Variants in MRTFB observed in about 807,000 individuals in gnomAD.
MRTFB encodes the protein myocardin related transcription factor B, also known as myocardin-related transcription factor B.
Under a neutral mutation model 104.2 loss-of-function variants are expected in MRTFB, and 29 were observed. That is an observed-to-expected ratio of 0.28 (90% confidence interval 0.21 to 0.38). The LOEUF (loss-of-function observed/expected upper bound fraction) is 0.38. MRTFB is among the 10% of genes least tolerant of loss of function. The pLI, the probability that MRTFB is intolerant of heterozygous loss-of-function variation, is 1.00. For synonymous variants in MRTFB, 535 were observed against 519.5 expected (o/e 1.03, Z -0.41); for missense variants, 1,270 against 1,341.6 (o/e 0.95, Z 0.83).
the MRTFB span, among the ~76,000 whole-genome samples, chr16:14,000,861 A>C: frequency 2.6e-5 from 4 of 152,272 alleles, no homozygotes; most frequent in Non-Finnish European, 5.9e-5. Flanking sequence ...AACCCAACCC[A>C]GCTCTGCCAC....
intron 2 of MRTFB, among the ~76,000 whole-genome samples, chr16:14,090,361 A>G (rs1349007917): frequency 6.6e-6 from 1 of 152,128 alleles, no homozygotes; most frequent in African/African-American, 2.4e-5. Flanking sequence ...CTTACACCCA[A>G]TGTGCTTTTT....
At chr16:14,018,487 G>A in the MRTFB span, among the ~76,000 whole-genome samples, 2 of 152,218 alleles carry the variant, frequency 1.3e-5, no homozygotes, top group Admixed American at 6.5e-5. Context: ...TCTGTATCTG[G>A]CTCACAGATA....
At chr16:14,067,324 G>A (rs962453374), upstream of MRTFB, among the ~76,000 whole-genome samples, 1 of 150,924 alleles carries the variant, frequency 6.6e-6, no homozygotes, top group Non-Finnish European at 1.5e-5. Flanking sequence ...CTGGGTTCAA[G>A]TGATTCTTAT....
chr16:14,113,990 T>C (rs890504622), intron 2 of MRTFB, among the ~76,000 whole-genome samples: 10 of 152,340 alleles, frequency 6.6e-5, no homozygotes, highest in Non-Finnish European at 1.0e-4. Context: ...AACTCTGACA[T>C]GGGATACCAA....
intron 8 of MRTFB, among the ~76,000 whole-genome samples, chr16:14,222,236 T>TC (rs773439515): frequency 2.6e-5 from 4 of 152,170 alleles, no homozygotes; most frequent in Non-Finnish European, 4.4e-5. Context: ...TCACTTTCCT[T>TC]CTTGTTTGCC....
At chr16:14,061,238 G>A in the MRTFB span, among the ~76,000 whole-genome samples, 3 of 152,120 alleles carry the variant, frequency 2.0e-5, no homozygotes, top group African/African-American at 4.8e-5. Context: ...CAGAGCCAGC[G>A]CCATCCTGGG....
At chr16:14,195,591 A>G (rs2151081255) in intron 3 of MRTFB, 1 of 984,364 alleles carries the variant, frequency 1.0e-6, no homozygotes, top group East Asian at 1.1e-4. Context: ...TTCTGGGAAA[A>G]ATTGGAGGTA....
intron 8 of MRTFB, among the ~76,000 whole-genome samples, chr16:14,231,272 T>C (rs1426254201): frequency 6.7e-6 from 1 of 150,282 alleles, no homozygotes; most frequent in African/African-American, 2.5e-5. Flanking sequence ...ACCCTAAAAC[T>C]TAAAGTATAA....
intron 14 of MRTFB, 91 bp from the exon 15 acceptor site, chr16:14,252,274 A>G (rs960906179): frequency 1.1e-5 from 17 of 1,522,204 alleles, no homozygotes; most frequent in Non-Finnish European, 1.5e-5. Flanking sequence ...TGATTTGGCC[A>G]CTACATAGAG....
chr16:14,081,448 A>G (rs2034395492), intron 2 of MRTFB, among the ~76,000 whole-genome samples: 1 of 152,064 alleles, frequency 6.6e-6, no homozygotes, highest in South Asian at 2.1e-4. Context: ...ATCCGCCATC[A>G]TGCCCGGCTA....
chr16:14,170,159 A>G (rs564413075), intron 3 of MRTFB: 3 of 152,260 alleles, frequency 2.0e-5, no homozygotes, highest in South Asian at 4.2e-4. Flanking sequence ...CCTCCATGTT[A>G]TTAAATGTTC....
At chr16:14,037,965 C>T in the MRTFB span, among the ~76,000 whole-genome samples, 6 of 152,184 alleles carry the variant, frequency 3.9e-5, no homozygotes, top group South Asian at 2.1e-4. Context: ...GACCTACGGT[C>T]GTTATTTGTA....
chr16:14,073,681 A>C (rs532831793), intron 1 of MRTFB, among the ~76,000 whole-genome samples: 6 of 152,234 alleles, frequency 3.9e-5, no homozygotes, highest in Non-Finnish European at 7.3e-5. Context: ...GTTAGAATGG[A>C]GTTGGGAAGC....
chr16:14,160,895 C>T (rs1043673181), intron 3 of MRTFB, among the ~76,000 whole-genome samples: 7 of 151,986 alleles, frequency 4.6e-5, no homozygotes, highest in Admixed American at 3.3e-4. Flanking sequence ...TACCTTCTGG[C>T]ACAAGATATT....
intron 1 of MRTFB, among the ~76,000 whole-genome samples, chr16:14,075,453 C>G (rs956047424): frequency 6.6e-6 from 1 of 152,200 alleles, no homozygotes; most frequent in Non-Finnish European, 1.5e-5. Context: ...GGGCAATGCA[C>G]GTGAACATAT....
intron 3 of MRTFB, among the ~76,000 whole-genome samples, chr16:14,206,970 T>C (rs910489872): frequency 1.3e-5 from 2 of 151,772 alleles, no homozygotes; most frequent in African/African-American, 4.8e-5. Context: ...CTTAACAAAA[T>C]GGCTAGTTAC....
chr16:14,023,181 A>ATAACCCCAGCACT, the MRTFB span, among the ~76,000 whole-genome samples: 1 of 152,106 alleles, frequency 6.6e-6, no homozygotes, highest in African/African-American at 2.4e-5. Context: ...GCTCACACCT[A>ATAACCCCAGCACT]TAACCCCAGC....
At chr16:14,158,134 A>C (rs1477955570) in intron 3 of MRTFB, among the ~76,000 whole-genome samples, 3 of 152,200 alleles carry the variant, frequency 2.0e-5, no homozygotes, top group Non-Finnish European at 4.4e-5. Context: ...CTTAGTTACC[A>C]TGTGTCTTCT....
chr16:14,240,594 T>G, intron 10 of MRTFB, 110 bp downstream of exon 10: 1 of 1,545,464 alleles, frequency 6.5e-7, no homozygotes, highest in South Asian at 1.1e-5. Flanking sequence ...TCAGTAATGA[T>G]TTTCATTTCT....
Sources: gnomAD v4.1 joint callset for allele counts (sites outside exome capture counted in the v4.1 genomes callset) on GRCh38, gnomAD v4.1.1 for gene constraint, MANE v1.5 for transcripts, NCBI Gene and HGNC (gene_info 2026-07-23, HGNC 2026-07-21) for gene names.